ITGA4: variants seen among roughly 807,000 people sequenced by gnomAD.
ITGA4 encodes integrin subunit alpha 4, also known as integrin alpha-4.
ITGA4 carries 63 observed loss-of-function variants against 133.6 expected under a neutral mutation model. The ratio of observed to expected loss-of-function variants is 0.47; its 90% confidence interval spans 0.38 to 0.58. The LOEUF (loss-of-function observed/expected upper bound fraction) is 0.58. Among genes scored for constraint, ITGA4 ranks in the 20% least tolerant of loss-of-function variants. ITGA4 has a pLI of 0.00. For synonymous variants in ITGA4, 483 were observed against 438.0 expected, an observed-to-expected ratio of 1.10 and a Z score of -1.28; for missense variants, 1,076 against 1,252.7, an observed-to-expected ratio of 0.86 and a Z score of 2.13.
rs201922787 is a variant in ITGA4 at position 181,495,773 on chromosome 2, T to C, written c.1386-10T>C. 1.2e-6 allele frequency: 2 copies of C among 1,603,324 alleles called. No homozygotes were observed. Among genetic ancestry groups the C allele is most frequent in the Non-Finnish European group, 1.7e-6 (2 of 1,176,464 alleles). The stretch of plus-strand genomic sequence containing the variant: ...TGCAATTAACATTGCTACTTTTATT[T>C]CCTTCTCAGGACAAGACCTGTAGTA... On this transcript the variant is annotated splice_polypyrimidine_tract_variant and intron_variant, in intron 13 of 27. Coordinates refer to ENST00000397033, the MANE Select transcript of ITGA4 (RefSeq NM_000885.6). This position sits in a 1 kb window ranked among gnomAD's most constrained non-coding sequence, Gnocchi z 4.3.
rs778672817 is a variant in ITGA4, at chr2:181,482,560, C to G, written c.950C>G (p.Ala317Gly). ...GASVCAVDLNADGFSDLLVGA... is the reference protein window; with the variant it reads ...GASVCAVDLNGDGFSDLLVGA... ...TCTGTCTGTGCTGTGGACCTCAATG[C>G]AGATGGCTTCTCAGATCTGCTCGTG... Residue 317 changes from alanine (A) to glycine (G), a missense_variant, in exon 9 of 28, where the codon GCA (alanine) becomes GGA (glycine). By Grantham distance (60) the Ala-to-Gly change is moderately conservative. This residue lies in a region of ITGA4 where 436 missense variants were observed against 590.7 expected (regional missense o/e 0.74). Coordinates refer to ENST00000397033, the MANE Select transcript of ITGA4 (RefSeq NM_000885.6). The G allele has an allele frequency of 3.7e-6, 6 of 1,613,700 alleles. No individual in the cohort carries two copies. The African/African-American group carries it at 8.0e-5, about 22-fold the overall frequency.
chr2:181,489,813 C>T (rs1686004646), intron 10 of ITGA4, among the ~76,000 whole-genome samples: 1 of 152,160 alleles, frequency 6.6e-6, no homozygotes, highest in Non-Finnish European at 1.5e-5. Flanking sequence ...AACCTCTTTC[C>T]CTTCTGAGTC....
At chr2:181,480,057 T>C in intron 5 of ITGA4, 80 bp from the exon 6 acceptor site, 1 of 897,804 alleles carries the variant, frequency 1.1e-6, no homozygotes, top group East Asian at 3.0e-5. Flanking sequence ...AAATATGTTC[T>C]CTTCACTATC....
intron 14 of ITGA4, among the ~76,000 whole-genome samples, chr2:181,496,566 G>C (rs1186363425): frequency 6.6e-6 from 1 of 152,170 alleles, no homozygotes; most frequent in Non-Finnish European, 1.5e-5. Context: ...CCTCTGTATA[G>C]GCAACTCTCA....
At chr2:181,473,117 C>T (rs1479693644) in intron 2 of ITGA4, among the ~76,000 whole-genome samples, 2 of 152,202 alleles carry the variant, frequency 1.3e-5, no homozygotes, top group African/African-American at 4.8e-5. Context: ...TGTTCCTGAC[C>T]ATGAGAACCA....
chr2:181,477,532 A>G (rs564263618), intron 4 of ITGA4, among the ~76,000 whole-genome samples: 47 of 152,298 alleles, frequency 3.1e-4, no homozygotes, highest in Non-Finnish European at 6.3e-4. Flanking sequence ...AAATTAGTCA[A>G]GAGACCAAAT....
Position 181,475,075 on chromosome 2 carries a change from T to C in ITGA4, c.426+9T>C. The C allele has an allele frequency of 1.2e-6, 2 of 1,613,560 alleles. No homozygotes were observed. The highest frequency in any genetic ancestry group is 1.7e-6 in the Non-Finnish European group (2 of 1,179,522). ...AAAATGGATCCATCGTGGTAGGTAT[T>C]GGAACTGGTCCACAGATCCATCGTG... On this transcript the variant is annotated intron_variant, in intron 3 of 27. Transcript: ENST00000397033.
intron 21 of ITGA4, among the ~76,000 whole-genome samples, chr2:181,525,827 G>A (rs1032046690): frequency 7.2e-5 from 11 of 152,200 alleles, no homozygotes; most frequent in African/African-American, 2.7e-4. Flanking sequence ...GCTTCCTCAT[G>A]ATTTTAATGA....
At chr2:181,460,205 GATGAAAGGA>G (rs904389670) in intron 2 of ITGA4, among the ~76,000 whole-genome samples, 1 of 152,084 alleles carries the variant, frequency 6.6e-6, no homozygotes, top group African/African-American at 2.4e-5. Flanking sequence ...TATTTACTGG[GATGAAAGGA>G]AAAAAGGCAA....
In ITGA4 at chr2:181,537,586, T is replaced by C. The variant is rs568752748; in HGVS notation, c.*2059T>C. On this transcript the variant is annotated 3_prime_UTR_variant, in exon 28 of 28. Transcript: ENST00000397033. Reference sequence around the variant, plus strand: ...CAAGGCAGACTTATGAAATCTGTATTATATTTGTAACAGAATATAGGAAAT... The same window carrying C: ...CAAGGCAGACTTATGAAATCTGTATCATATTTGTAACAGAATATAGGAAAT... 4.4e-5 allele frequency: 19 copies of C among 429,952 alleles called. No homozygotes were observed. In the East Asian group the frequency reaches 1.3e-3, roughly 30 times the overall value. 26.6% of individuals were successfully genotyped at this position (429,952 alleles called of 1,614,324 possible).
chr2:181,511,060 G>GTC (rs1166019890), intron 16 of ITGA4, among the ~76,000 whole-genome samples: 3 of 151,934 alleles, frequency 2.0e-5, no homozygotes, highest in Non-Finnish European at 4.4e-5. Context: ...TTCTGCATCT[G>GTC]TCTCTCTCTA....
At position 181,485,950 on chromosome 2, in the gene ITGA4, T is replaced by C; in HGVS notation, c.1111T>C (p.Ser371Pro). The C allele has an allele frequency of 6.2e-7, 1 of 1,603,822 alleles. No individual in the cohort carries two copies. Among genetic ancestry groups the C allele is most frequent in the East Asian group, 2.3e-5 (1 of 44,276 alleles). ...SDKYAARFGE[S>P]IVNLGDIDND... The stretch of plus-strand genomic sequence containing the variant: ...CAAATATGCTGCAAGATTTGGGGAA[T>C]CTATAGTTAATCTTGGCGACATTGA... The change falls in exon 10 of 28, where the codon TCT (serine) becomes CCT (proline). Residue 371 changes from serine to proline, a missense_variant. Physicochemically the swap from Ser to Pro is moderately conservative, Grantham distance 74 (BLOSUM62 -1). Around this residue, in one of 4 missense-constraint regions of ITGA4, gnomAD observed 436 missense variants for 590.7 expected, o/e 0.74. Coordinates refer to ENST00000397033, the MANE Select transcript of ITGA4 (RefSeq NM_000885.6).
At chr2:181,494,917 G>C in intron 12 of ITGA4, 105 bp downstream of exon 12, 2 of 662,226 alleles carry the variant, frequency 3.0e-6, no homozygotes, top group South Asian at 3.9e-5. Context: ...TCATCTTACT[G>C]ATAATTTTTT....
rs1055517153 is a variant in ITGA4, at chr2:181,537,502, T to C, written c.*1975T>C. 2.2e-5 allele frequency: 10 copies of C among 453,450 alleles called. No individual in the cohort carries two copies. The Admixed American group carries it at 2.4e-4, about 11-fold the overall frequency. 28.1% of individuals were successfully genotyped at this position (453,450 alleles called of 1,614,324 possible). ...GGATGGGTTATTCTTTTTTGGCAGG[T>C]AGGCTATATAACTATGTGATTTTGA... is the stretch of plus-strand genomic sequence containing the variant. On this transcript the variant is annotated 3_prime_UTR_variant, in exon 28 of 28. Transcript: ENST00000397033.
intron 6 of ITGA4, among the ~76,000 whole-genome samples, chr2:181,481,101 G>T (rs1685791543): frequency 1.3e-5 from 2 of 152,088 alleles, no homozygotes; most frequent in Admixed American, 1.3e-4. Flanking sequence ...ATGTTTTCTT[G>T]TTTATGATGA....
At chr2:181,529,507 T>G in intron 22 of ITGA4, 34 bp from the exon 23 acceptor site, 1 of 1,057,940 alleles carries the variant, frequency 9.5e-7, no homozygotes, top group Non-Finnish European at 1.5e-6. Context: ...ATAGAAAACA[T>G]TTAATTTGTT....
chr2:181,519,045 CA>C (rs1686667046), intron 17 of ITGA4, among the ~76,000 whole-genome samples: 1 of 151,684 alleles, frequency 6.6e-6, no homozygotes, highest in African/African-American at 2.4e-5. Context: ...ATAATAGTTC[CA>C]AAAATGGAAA....
At chr2:181,467,838 T>G (rs1409937760) in intron 2 of ITGA4, among the ~76,000 whole-genome samples, 1 of 152,194 alleles carries the variant, frequency 6.6e-6, no homozygotes, top group East Asian at 1.9e-4. Context: ...GGCAAGTTAT[T>G]TGATTCCTTT....
At chr2:181,518,697 T>C (rs940519608) in intron 17 of ITGA4, among the ~76,000 whole-genome samples, 6 of 152,048 alleles carry the variant, frequency 3.9e-5, no homozygotes, top group Non-Finnish European at 7.4e-5. Flanking sequence ...TGTGTTCTCA[T>C]AGAGCTTTAT....
Sources: gnomAD v4.1 joint callset for allele counts (sites outside exome capture counted in the v4.1 genomes callset) on GRCh38, gnomAD v4.1.1 for gene constraint, gnomAD v4.1.1 regional missense constraint, Gnocchi (gnomAD v3.1) non-coding constraint, MANE v1.5 for transcripts, NCBI Gene and HGNC (gene_info 2026-07-23, HGNC 2026-07-21) for gene names.